Variants in PAX5 observed in about 807,000 individuals in gnomAD.
PAX5 encodes paired box 5.
PAX5 carries 9 observed loss-of-function variants against 43.7 expected under a neutral mutation model. That is an observed-to-expected ratio of 0.21 (90% CI 0.12 to 0.36). The LOEUF (loss-of-function observed/expected upper bound fraction) is 0.36. Among genes scored for constraint, PAX5 ranks in the 10% least tolerant of loss-of-function variants. The pLI, the probability that PAX5 is intolerant of heterozygous loss-of-function variation, is 1.00. For synonymous variants in PAX5, 228 were observed against 214.3 expected, an observed-to-expected ratio of 1.06 and a Z score of -0.56; for missense variants, 383 against 532.7, an observed-to-expected ratio of 0.72 and a Z score of 2.77.
chr9:37,032,051 A>G (rs775640478), intron 1 of PAX5, among the ~76,000 whole-genome samples: 1 of 152,004 alleles, frequency 6.6e-6, no homozygotes, highest in Non-Finnish European at 1.5e-5. Flanking sequence ...TCTCACTTGA[A>G]CTGTCGCCCT....
intron 6 of PAX5, among the ~76,000 whole-genome samples, chr9:36,956,383 G>A (rs1833478023): frequency 1.3e-5 from 2 of 152,164 alleles, no homozygotes; most frequent in African/African-American, 4.8e-5. Context: ...CTGTAAACAA[G>A]TCAAAATAAA....
intron 5 of PAX5, among the ~76,000 whole-genome samples, chr9:37,002,177 G>A (rs2132394113): frequency 6.6e-6 from 1 of 152,202 alleles, no homozygotes; most frequent in Non-Finnish European, 1.5e-5. Flanking sequence ...TCTGTCTGCT[G>A]AGACGTGTGC....
At chr9:36,984,153 C>A (rs1836176325) in intron 5 of PAX5, among the ~76,000 whole-genome samples, 1 of 152,138 alleles carries the variant, frequency 6.6e-6, no homozygotes, top group African/African-American at 2.4e-5. Flanking sequence ...ATACCTAGGT[C>A]AAGAGGGATA....
intron 5 of PAX5, among the ~76,000 whole-genome samples, chr9:36,991,880 C>A (rs1588164200): frequency 6.6e-6 from 1 of 152,270 alleles, no homozygotes; most frequent in African/African-American, 2.4e-5. Flanking sequence ...GTTAATTTTG[C>A]TACAAGCAAT....
intron 7 of PAX5, among the ~76,000 whole-genome samples, chr9:36,898,013 C>T (rs1269952952): frequency 6.6e-6 from 1 of 152,198 alleles, no homozygotes; most frequent in Non-Finnish European, 1.5e-5. Flanking sequence ...CAGCAAATGC[C>T]TGTGCCTCGA....
chr9:36,968,611 C>G (rs1238046231), intron 5 of PAX5, among the ~76,000 whole-genome samples: 2 of 152,062 alleles, frequency 1.3e-5, no homozygotes, highest in Non-Finnish European at 2.9e-5. Context: ...CCAGATACCC[C>G]CACATGTGGG....
At chr9:36,924,612 C>T (rs1000781895) in intron 6 of PAX5, among the ~76,000 whole-genome samples, 1 of 150,976 alleles carries the variant, frequency 6.6e-6, no homozygotes, top group Non-Finnish European at 1.5e-5. Flanking sequence ...CCCAGCTACT[C>T]GGGAAGCTGA....
rs1822634085 is a variant in PAX5, at chr9:36,846,874, G to A, written c.1068C>T (p.Asp356=). The A allele has an allele frequency of 6.2e-7, 1 of 1,614,010 alleles. No homozygotes were observed. The highest frequency in any genetic ancestry group is 1.3e-5 in the African/African-American group (1 of 74,946). ...YSHPQYSSYN[D]SWRFPNPGLL... is the part of the protein sequence containing the mutation. Reference sequence around the variant, plus strand: ...GCCCCGGGTTGGGGAACCTCCAGGAGTCGTTGTACGAGGAATACTGAGGGT... The same window carrying A: ...GCCCCGGGTTGGGGAACCTCCAGGAATCGTTGTACGAGGAATACTGAGGGT... Residue 356 remains aspartate (D), a synonymous_variant, in exon 9 of 10, where the codon GAC becomes GAT. Coordinates refer to ENST00000358127, the MANE Select transcript of PAX5 (RefSeq NM_016734.3).
intron 8 of PAX5, among the ~76,000 whole-genome samples, chr9:36,862,857 C>T (rs976443462): frequency 3.3e-5 from 5 of 152,162 alleles, no homozygotes; most frequent in South Asian, 2.1e-4. Context: ...GGGTCTCTTT[C>T]GCCTCTCCAT....
chr9:36,933,033 A>G (rs1049186493), intron 6 of PAX5, among the ~76,000 whole-genome samples: 3 of 151,522 alleles, frequency 2.0e-5, no homozygotes, highest in Non-Finnish European at 4.4e-5. Context: ...GTGGGCACCT[A>G]CTCAGGAGGC....
chr9:36,904,428 T>C (rs961918011), intron 7 of PAX5, among the ~76,000 whole-genome samples: 1 of 152,342 alleles, frequency 6.6e-6, no homozygotes, highest in East Asian at 1.9e-4. Context: ...AACACTTCTC[T>C]GGATGGGTTC....
chr9:37,020,011 G>C (rs146559785), intron 2 of PAX5, among the ~76,000 whole-genome samples: 1 of 152,234 alleles, frequency 6.6e-6, no homozygotes, highest in Non-Finnish European at 1.5e-5. Flanking sequence ...TCCTATGGGA[G>C]AAGCCTCATT....
intron 7 of PAX5, among the ~76,000 whole-genome samples, chr9:36,892,043 A>G (rs1433962044): frequency 3.3e-5 from 5 of 152,238 alleles, no homozygotes; most frequent in African/African-American, 1.2e-4. Context: ...GACTCAGTCT[A>G]TATTTCCATG....
chr9:36,948,094 A>G (rs962504889), intron 6 of PAX5, among the ~76,000 whole-genome samples: 2 of 152,186 alleles, frequency 1.3e-5, no homozygotes, highest in African/African-American at 4.8e-5. Context: ...GTGCTAGCAT[A>G]TCGGCATGGC....
chr9:36,942,192 G>A (rs1481898234), intron 6 of PAX5, among the ~76,000 whole-genome samples: 2 of 152,168 alleles, frequency 1.3e-5, no homozygotes, highest in Admixed American at 6.5e-5. Context: ...TCTAGGCAGC[G>A]TCTGAGCTGA....
At chr9:37,005,628 T>G (rs1838323115) in intron 4 of PAX5, among the ~76,000 whole-genome samples, 2 of 152,196 alleles carry the variant, frequency 1.3e-5, no homozygotes, top group African/African-American at 4.8e-5. Flanking sequence ...AGTTCTCAGT[T>G]AAAGAAGGAA....
chr9:36,968,426 T>C (rs1246643424), intron 5 of PAX5, among the ~76,000 whole-genome samples: 1 of 152,160 alleles, frequency 6.6e-6, no homozygotes, highest in Non-Finnish European at 1.5e-5. Flanking sequence ...TGAACAAAGA[T>C]AGCAGCTTTG....
rs567334308 is a variant in PAX5, at chr9:36,952,125, G to A, written c.780+14424C>T. The stretch of plus-strand genomic sequence containing the variant: ...TATTGTTCATTTATCTATGTATTTG[G>A]TTACCATCACTTCTTAAATCCCATT... On this transcript the variant is annotated intron_variant, in intron 6 of 9. Coordinates refer to ENST00000358127, the MANE Select transcript of PAX5 (RefSeq NM_016734.3). Among the ~76,000 whole-genome samples the A allele has an allele frequency of 2.7e-5, 4 of 150,542 alleles. No individual in the cohort carries two copies. In the South Asian group the frequency reaches 8.4e-4, roughly 32 times the overall value.
intron 5 of PAX5, among the ~76,000 whole-genome samples, chr9:36,993,075 G>A (rs957526491): frequency 8.5e-5 from 13 of 152,270 alleles, no homozygotes; most frequent in African/African-American, 2.6e-4. Flanking sequence ...ATTCTCTCAC[G>A]AGTCTACAGT....
Sources: allele counts gnomAD v4.1 joint callset (sites outside exome capture counted in the v4.1 genomes callset), GRCh38; gene constraint gnomAD v4.1.1; transcripts MANE v1.5; gene names NCBI Gene and HGNC (gene_info 2026-07-23, HGNC 2026-07-21).